The following RAI1 variants were observed in gnomAD, a reference collection of about 807,000 sequenced individuals.
RAI1 encodes the protein retinoic acid induced 1, also known as retinoic acid-induced protein 1.
In RAI1, 9 loss-of-function variants were observed where a neutral mutation model predicts 123.8. That is an observed-to-expected ratio of 0.07 (90% confidence interval 0.04 to 0.13). The LOEUF (loss-of-function observed/expected upper bound fraction) is 0.13. Ranked by LOEUF, RAI1 falls within the 10% of genes least tolerant of loss-of-function variation. The pLI is 1.00. For synonymous variants in RAI1, 1,231 were observed against 1,127.3 expected (o/e 1.09, Z -1.84); for missense variants, 2,256 against 2,545.8 (o/e 0.89, Z 2.45).
chr17:17,721,266 A>G (rs972171761), intron 1 of RAI1, among the ~76,000 whole-genome samples: 2 of 152,284 alleles, frequency 1.3e-5, no homozygotes, highest in South Asian at 4.1e-4. Context: ...GTTTAACTTC[A>G]TTGTTCCATG....
At chr17:17,726,672 G>GT (rs1314328673) in intron 2 of RAI1, among the ~76,000 whole-genome samples, 5 of 152,046 alleles carry the variant, frequency 3.3e-5, no homozygotes, top group Admixed American at 2.0e-4. Flanking sequence ...AGCCCTTGTG[G>GT]TTTTTTTTAA....
At position 17,696,853 on chromosome 17, in the gene RAI1, C is replaced by T. The variant is rs561979821; in HGVS notation, c.-149+15060C>T. On this transcript the variant is annotated intron_variant, in intron 1 of 5. Transcript: ENST00000353383. ...CTCAGACCTTGGCCTCATCCTCATT[C>T]GGGGCCTCCTTTGCCTGGGCACACT... Among the ~76,000 whole-genome samples, 10 of 152,364 alleles carry T rather than the reference C, an allele frequency of 6.6e-5. 1 individual carries two copies. The South Asian group carries it at 1.7e-3, about 25-fold the overall frequency.
intron 2 of RAI1, among the ~76,000 whole-genome samples, chr17:17,735,453 AAGTGATTCTCCTGCCTC>A (rs1472778198): frequency 6.7e-6 from 1 of 150,094 alleles, no homozygotes; most frequent in Non-Finnish European, 1.5e-5. Context: ...TCCCGGGTTC[AAGTGATTCTCCTGCCTC>A]AGCCACCCAA....
At chr17:17,694,559 TCCC>T (rs1914946934) in intron 1 of RAI1, among the ~76,000 whole-genome samples, 1 of 151,902 alleles carries the variant, frequency 6.6e-6, no homozygotes, top group Non-Finnish European at 1.5e-5. Flanking sequence ...CTTTCCTCTC[TCCC>T]CGACCTCGAG....
rs1567927164 is a variant in RAI1, at chr17:17,797,369, T to C, written c.4421T>C (p.Leu1474Pro). 1 of 1,612,228 alleles carries C rather than the reference T, an allele frequency of 6.2e-7. No individual in the cohort carries two copies. Among genetic ancestry groups the C allele is most frequent in the South Asian group, 1.1e-5 (1 of 91,036 alleles). ...CGGCCCTATCTTGGCCCGGCTCTGC[T>C]CCTGACTCCCCGAGACAGGGCCAGT... The part of the protein sequence containing the change: ...EKRPYLGPAL[L>P]LTPRDRASGT... Residue 1474 changes from leucine to proline, a missense_variant, in exon 3 of 6, where the codon CTC (leucine) becomes CCC (proline). This residue lies in a region of RAI1 where 410 missense variants were observed against 374.6 expected (regional missense o/e 1.09). Coordinates refer to ENST00000353383, the MANE Select transcript of RAI1 (RefSeq NM_030665.4).
intron 1 of RAI1, among the ~76,000 whole-genome samples, chr17:17,711,238 C>G (rs999210336): frequency 6.6e-6 from 1 of 152,220 alleles, no homozygotes; most frequent in Non-Finnish European, 1.5e-5. Flanking sequence ...GGTTGTCCCT[C>G]CTCGACAGAA....
intron 2 of RAI1, chr17:17,765,846 C>G (rs1020392644): frequency 3.3e-5 from 5 of 152,258 alleles, no homozygotes; most frequent in African/African-American, 1.2e-4. Context: ...TGTGGCATTT[C>G]TTAGAAGCCA....
intron 1 of RAI1, among the ~76,000 whole-genome samples, chr17:17,701,604 C>T (rs998981593): frequency 4.6e-5 from 7 of 151,996 alleles, no homozygotes; most frequent in African/African-American, 1.7e-4. Flanking sequence ...CCTCTTTTTT[C>T]TTTCTTTGAA....
At chr17:17,711,765 C>T (rs1182900270) in intron 1 of RAI1, among the ~76,000 whole-genome samples, 1 of 152,170 alleles carries the variant, frequency 6.6e-6, no homozygotes, top group African/African-American at 2.4e-5. Flanking sequence ...GCATTAGGGC[C>T]CAGATATCAG....
At chr17:17,716,080 G>A (rs1915704717) in intron 1 of RAI1, among the ~76,000 whole-genome samples, 1 of 152,246 alleles carries the variant, frequency 6.6e-6, no homozygotes, top group Non-Finnish European at 1.5e-5. Context: ...GGCAGGAGCT[G>A]TAGCCACCAG....
At chr17:17,791,509 C>T (rs986570174) in intron 2 of RAI1, among the ~76,000 whole-genome samples, 1 of 152,148 alleles carries the variant, frequency 6.6e-6, no homozygotes, top group African/African-American at 2.4e-5. Context: ...CCTTCAACAA[C>T]CTGGAATCTT....
In RAI1 at chr17:17,809,290, C is replaced by T; in HGVS notation, c.5660-100C>T. The T allele has an allele frequency of 3.0e-6, 3 of 1,003,854 alleles. No individual in the cohort carries two copies. The Admixed American group carries it at 5.1e-5, about 17-fold the overall frequency. 62.2% of individuals were successfully genotyped at this position (1,003,854 alleles called of 1,614,324 possible). ...TGAAAAGAGCCCCTGCAGTCTGGAG[C>T]CTCGCGGGCAGTGCGGCTCCCCTCC... On this transcript the variant is annotated intron_variant, in intron 4 of 5. Coordinates refer to ENST00000353383, the MANE Select transcript of RAI1 (RefSeq NM_030665.4). This position sits in a 1 kb window ranked among gnomAD's most constrained non-coding sequence, Gnocchi z 4.9.
chr17:17,766,506 G>GTGCT (rs1177891426), intron 2 of RAI1, among the ~76,000 whole-genome samples: 1 of 152,212 alleles, frequency 6.6e-6, no homozygotes, highest in Non-Finnish European at 1.5e-5. Flanking sequence ...GAGACCCAGG[G>GTGCT]TGCTCTCTGG....
intron 2 of RAI1, among the ~76,000 whole-genome samples, chr17:17,761,190 C>T (rs1170328588): frequency 1.3e-5 from 2 of 151,922 alleles, no homozygotes; most frequent in African/African-American, 4.8e-5. Flanking sequence ...TATGTGAGTG[C>T]CTCAGCACAG....
Position 17,737,293 on chromosome 17 carries a change from G to A in RAI1, c.-17+13134G>A, listed in dbSNP as rs142926390. Among the ~76,000 whole-genome samples the A allele has an allele frequency of 1.8e-4, 28 of 152,232 alleles. No homozygotes were observed. In the East Asian group the frequency reaches 5.2e-3, roughly 28 times the overall value. ...GAGGCAATAGGGGAGGGTCTCAGGGGCCCAGAGACCCCACCTGTGGTCCTT... is the reference window on the plus strand; with the variant it reads ...GAGGCAATAGGGGAGGGTCTCAGGGACCCAGAGACCCCACCTGTGGTCCTT... On this transcript the variant is annotated intron_variant, in intron 2 of 5. Coordinates refer to ENST00000353383, the MANE Select transcript of RAI1 (RefSeq NM_030665.4).
chr17:17,743,878 G>GGAT (rs1461017167), intron 2 of RAI1, among the ~76,000 whole-genome samples: 5 of 152,204 alleles, frequency 3.3e-5, no homozygotes, highest in Non-Finnish European at 5.9e-5. Flanking sequence ...CATGGAGCCC[G>GGAT]GATCCACTCT....
At chr17:17,756,263 T>C (rs2030434833) in intron 2 of RAI1, among the ~76,000 whole-genome samples, 1 of 151,300 alleles carries the variant, frequency 6.6e-6, no homozygotes. Context: ...AATGGTGTGA[T>C]CTCGGCTCAC....
chr17:17,691,782 T>C (rs914862079), intron 1 of RAI1, among the ~76,000 whole-genome samples: 2 of 152,110 alleles, frequency 1.3e-5, no homozygotes, highest in African/African-American at 4.8e-5. Flanking sequence ...CTCTGGGGGA[T>C]CCAGCAGGGC....
intron 1 of RAI1, among the ~76,000 whole-genome samples, chr17:17,715,999 C>T (rs1037312089): frequency 6.6e-6 from 1 of 152,190 alleles, no homozygotes; most frequent in East Asian, 1.9e-4. Context: ...GAATGGGTTT[C>T]CCTTAGCAGA....
Sources: allele counts gnomAD v4.1 joint callset (sites outside exome capture counted in the v4.1 genomes callset), GRCh38; gene constraint gnomAD v4.1.1; regional missense constraint gnomAD v4.1.1; non-coding constraint Gnocchi (gnomAD v3.1); transcripts MANE v1.5; gene names NCBI Gene and HGNC (gene_info 2026-07-23, HGNC 2026-07-21).